PRMT3: variants seen among roughly 807,000 people sequenced by gnomAD.
The protein encoded by PRMT3 is protein arginine methyltransferase 3.
A neutral mutation model predicts 71.9 loss-of-function variants in PRMT3; 62 were observed. The observed-to-expected ratio is 0.86, with a 90% CI of 0.70 to 1.07. The LOEUF (loss-of-function observed/expected upper bound fraction) is 1.07, where lower values mean the gene tolerates loss of function less well. Ranked by LOEUF, PRMT3 falls within the 50% of genes least tolerant of loss-of-function variation. PRMT3 has a pLI of 0.00. For synonymous variants in PRMT3, 213 were observed against 220.4 expected (o/e 0.97, Z 0.30); for missense variants, 663 against 643.0 (o/e 1.03, Z -0.34).
chr11:20,416,152 T>G (rs1849299923), intron 9 of PRMT3, among the ~76,000 whole-genome samples: 1 of 152,196 alleles, frequency 6.6e-6, no homozygotes, highest in African/African-American at 2.4e-5. Context: ...TTGTTTGTAC[T>G]TTGTCTTTGC....
At chr11:20,504,749 A>AGAGAGAGC in intron 15 of PRMT3, among the ~76,000 whole-genome samples, 1 of 150,788 alleles carries the variant, frequency 6.6e-6, no homozygotes, top group African/African-American at 2.4e-5. Flanking sequence ...AGAGAGAGCG[A>AGAGAGAGC]GAGCGACTGA....
At chr11:20,397,812 C>CA in intron 7 of PRMT3, 91 bp downstream of exon 7, 1 of 1,348,080 alleles carries the variant, frequency 7.4e-7, no homozygotes, top group Non-Finnish European at 9.9e-7. Flanking sequence ...TAGGAGACCT[C>CA]TTTTTTTTGG....
chr11:20,469,048 G>A (rs1440556603), intron 13 of PRMT3, among the ~76,000 whole-genome samples: 1 of 152,066 alleles, frequency 6.6e-6, no homozygotes, highest in Admixed American at 6.5e-5. Flanking sequence ...AATGAGTACT[G>A]GTACCACATA....
At chr11:20,415,865 C>T (rs1274603136) in intron 9 of PRMT3, among the ~76,000 whole-genome samples, 1 of 152,102 alleles carries the variant, frequency 6.6e-6, no homozygotes, top group East Asian at 1.9e-4. Context: ...AGAGTTTGAT[C>T]AAGAATCATT....
At chr11:20,484,266 G>A (rs983271502) in intron 13 of PRMT3, among the ~76,000 whole-genome samples, 10 of 152,174 alleles carry the variant, frequency 6.6e-5, no homozygotes, top group African/African-American at 2.4e-4. Flanking sequence ...TATAGTGAGT[G>A]TTATTACAAG....
intron 7 of PRMT3, among the ~76,000 whole-genome samples, chr11:20,401,947 A>T (rs1848957545): frequency 6.6e-6 from 1 of 152,190 alleles, no homozygotes; most frequent in Non-Finnish European, 1.5e-5. Context: ...TTACAGACAA[A>T]ACAGGAATGT....
intron 10 of PRMT3, among the ~76,000 whole-genome samples, chr11:20,446,102 G>A (rs550339515): frequency 3.3e-5 from 5 of 152,206 alleles, no homozygotes; most frequent in Admixed American, 2.6e-4. Flanking sequence ...ATTAGGAGTA[G>A]AGTTGCTAGA....
At position 20,472,629 on chromosome 11, in the gene PRMT3, T is replaced by G. The variant is rs187379052; in HGVS notation, c.1347+8083T>G. Reference sequence around the variant, plus strand: ...TTCATCAAGGATATTGGCCTGAAGTTTTCTTTTTTTGTTTGTTCATCAAGG... The same window carrying G: ...TTCATCAAGGATATTGGCCTGAAGTGTTCTTTTTTTGTTTGTTCATCAAGG... On this transcript the variant is annotated intron_variant, in intron 13 of 15. Coordinates refer to ENST00000331079, the MANE Select transcript of PRMT3 (RefSeq NM_005788.4). Among the ~76,000 whole-genome samples, 458 of 128,432 alleles carry G rather than the reference T, an allele frequency of 3.6e-3. 5 individuals are homozygous for G. The highest frequency in any genetic ancestry group is 0.011 in the African/African-American group (434 of 39,362). The allele number at this position is 128,432 out of a possible 152,430, so 84.3% of individuals were successfully genotyped here.
At chr11:20,403,121 C>T (rs1848986247) in intron 8 of PRMT3, 137 bp downstream of exon 8, 3 of 654,066 alleles carry the variant, frequency 4.6e-6, no homozygotes, top group Non-Finnish European at 8.0e-6. Context: ...TATGATGCTG[C>T]TCTGTGGTGC....
chr11:20,455,870 T>C (rs989138339), intron 11 of PRMT3, among the ~76,000 whole-genome samples: 32 of 151,664 alleles, frequency 2.1e-4, no homozygotes, highest in African/African-American at 6.8e-4. Flanking sequence ...TAAAGTTTAA[T>C]CCACACAATA....
At chr11:20,415,468 A>G (rs1010534684) in intron 9 of PRMT3, among the ~76,000 whole-genome samples, 4 of 152,168 alleles carry the variant, frequency 2.6e-5, no homozygotes, top group Non-Finnish European at 4.4e-5. Flanking sequence ...TATAGTGCAG[A>G]AACAGCAGGA....
chr11:20,467,968 AC>A (rs2133411078), intron 13 of PRMT3, among the ~76,000 whole-genome samples: 1 of 152,270 alleles, frequency 6.6e-6, no homozygotes, highest in East Asian at 1.9e-4. Flanking sequence ...GGAGCTACTT[AC>A]GCAAGCATGG....
At chr11:20,434,635 G>T (rs1430613155) in intron 10 of PRMT3, among the ~76,000 whole-genome samples, 2 of 152,156 alleles carry the variant, frequency 1.3e-5, no homozygotes, top group Non-Finnish European at 2.9e-5. Flanking sequence ...CTCATTGCTT[G>T]TTTTTGTCAG....
At chr11:20,470,861 A>T (rs1302855563) in intron 13 of PRMT3, among the ~76,000 whole-genome samples, 1 of 152,178 alleles carries the variant, frequency 6.6e-6, no homozygotes, top group South Asian at 2.1e-4. Flanking sequence ...TCCACCAACC[A>T]TGTAAACAGC....
chr11:20,418,004 A>T (rs562123942), intron 9 of PRMT3, among the ~76,000 whole-genome samples: 1 of 152,234 alleles, frequency 6.6e-6, no homozygotes, highest in African/African-American at 2.4e-5. Context: ...TTATCTCTGT[A>T]TGCTTCGTGC....
At chr11:20,423,908 G>GGC (rs1343766840) in intron 9 of PRMT3, among the ~76,000 whole-genome samples, 1 of 137,954 alleles carries the variant, frequency 7.2e-6, no homozygotes, top group East Asian at 2.0e-4. Context: ...AAAAAGGCCA[G>GGC]GCGCGGTGGC....
intron 11 of PRMT3, 115 bp downstream of exon 11, chr11:20,452,323 A>T: frequency 1.3e-6 from 1 of 760,558 alleles, no homozygotes. Flanking sequence ...GGGTTGAAAG[A>T]TGTTTGCATT....
chr11:20,496,197 ATG>A (rs1851328163), intron 15 of PRMT3, among the ~76,000 whole-genome samples: 1 of 152,202 alleles, frequency 6.6e-6, no homozygotes, highest in South Asian at 2.1e-4. Flanking sequence ...GGATAAATAA[ATG>A]TGGTAGTTGC....
In PRMT3 at chr11:20,404,228, T is replaced by G. The variant is rs1249609862; in HGVS notation, c.771+1244T>G. Reference sequence around the variant, plus strand: ...TTTTCATAGTTTTTTTTTTTTTTTTTTTTTTTTTTTTTTTTTTTTTTTTTG... The same window carrying G: ...TTTTCATAGTTTTTTTTTTTTTTTTGTTTTTTTTTTTTTTTTTTTTTTTTG... On this transcript the variant is annotated intron_variant, in intron 8 of 15. Coordinates refer to ENST00000331079, the MANE Select transcript of PRMT3 (RefSeq NM_005788.4). 1.2e-3 allele frequency among the ~76,000 whole-genome samples: 125 copies of G among 101,846 alleles called. 16 individuals are homozygous for G. The highest frequency in any genetic ancestry group is 2.6e-3 in the South Asian group (7 of 2,712). The allele number at this position is 101,846 out of a possible 152,430, so 66.8% of individuals were successfully genotyped here.
Sources: gnomAD v4.1 joint callset for allele counts (sites outside exome capture counted in the v4.1 genomes callset) on GRCh38, gnomAD v4.1.1 for gene constraint, MANE v1.5 for transcripts, NCBI Gene and HGNC (gene_info 2026-07-23, HGNC 2026-07-21) for gene names.